Variants in ANK3 observed in about 807,000 individuals in gnomAD.
ANK3 encodes the protein ankyrin-3.
A neutral mutation model predicts 370.9 loss-of-function variants in ANK3; 57 were observed. The ratio of observed to expected loss-of-function variants is 0.15; its 90% CI spans 0.12 to 0.19. The LOEUF (loss-of-function observed/expected upper bound fraction) is 0.19, where lower values mean the gene tolerates loss of function less well. Among genes scored for constraint, ANK3 ranks in the 10% least tolerant of loss-of-function variants. The pLI is 1.00. For synonymous variants in ANK3, 1,929 were observed against 1,946.3 expected (o/e 0.99, Z 0.23); for missense variants, 4,439 against 5,302.1 (o/e 0.84, Z 5.06).
intron 2 of ANK3, among the ~76,000 whole-genome samples, chr10:60,586,939 C>A (rs930644502): frequency 2.6e-5 from 4 of 152,094 alleles, no homozygotes; most frequent in Non-Finnish European, 4.4e-5. Context: ...AGACTGTCTG[C>A]CAATATATTA....
chr10:60,308,466 G>C (rs1566460537), intron 1 of ANK3, among the ~76,000 whole-genome samples: 1 of 151,996 alleles, frequency 6.6e-6, no homozygotes, highest in Non-Finnish European at 1.5e-5. Context: ...AGTAGAGATG[G>C]GGTTTCACCA....
At chr10:60,405,721 G>A (rs145741653) in intron 2 of ANK3, among the ~76,000 whole-genome samples, 8 of 152,256 alleles carry the variant, frequency 5.3e-5, no homozygotes, top group Non-Finnish European at 1.0e-4. Context: ...GAATTTTACT[G>A]ACATCTATGT....
intron 2 of ANK3, among the ~76,000 whole-genome samples, chr10:60,545,848 T>A (rs2076951630): frequency 6.6e-6 from 1 of 152,204 alleles, no homozygotes; most frequent in Non-Finnish European, 1.5e-5. Context: ...ATGCTAAGCC[T>A]GTGCTATCAA....
intron 1 of ANK3, among the ~76,000 whole-genome samples, chr10:60,712,092 T>C (rs1453415715): frequency 1.3e-5 from 2 of 152,194 alleles, no homozygotes; most frequent in Non-Finnish European, 2.9e-5. Flanking sequence ...ATGCCTGTAG[T>C]TCCAGCTATT....
intron 2 of ANK3, among the ~76,000 whole-genome samples, chr10:60,448,658 A>G (rs528388671): frequency 3.0e-4 from 45 of 152,328 alleles, no homozygotes; most frequent in Non-Finnish European, 5.6e-4. Flanking sequence ...GCGACTCCCC[A>G]GTCAACTCCA....
chr10:60,599,950 C>G (rs959199656), intron 2 of ANK3, among the ~76,000 whole-genome samples: 2 of 152,096 alleles, frequency 1.3e-5, no homozygotes, highest in African/African-American at 4.8e-5. Context: ...GCACAGCAAC[C>G]ATTTTATTAA....
intron 2 of ANK3, among the ~76,000 whole-genome samples, chr10:60,418,072 C>T (rs1309214875): frequency 6.6e-6 from 1 of 152,128 alleles, no homozygotes; most frequent in Non-Finnish European, 1.5e-5. Flanking sequence ...TGTTCCTTCT[C>T]CTTCAGTTGT....
intron 2 of ANK3, among the ~76,000 whole-genome samples, chr10:60,405,541 A>C (rs1168507215): frequency 6.6e-6 from 1 of 152,110 alleles, no homozygotes. Flanking sequence ...GGGTGATAGT[A>C]ATGTTTTGTG....
chr10:60,729,896 T>C (rs2079995714), intron 1 of ANK3, among the ~76,000 whole-genome samples: 1 of 152,200 alleles, frequency 6.6e-6, no homozygotes, highest in Non-Finnish European at 1.5e-5. Context: ...AAATTACTTC[T>C]ATTTTGGTAC....
intron 2 of ANK3, among the ~76,000 whole-genome samples, chr10:60,613,830 T>C (rs1348977636): frequency 2.6e-5 from 4 of 152,128 alleles, no homozygotes; most frequent in South Asian, 4.1e-4. Flanking sequence ...TCCCAGCACT[T>C]TGGGAGGTCG....
In ANK3 at chr10:60,412,948, A is replaced by G. The variant is rs146083248; in HGVS notation, c.97-133309T>C. 2.5e-3 allele frequency among the ~76,000 whole-genome samples: 377 copies of G among 152,324 alleles called. 1 individual carries two copies. The highest frequency in any genetic ancestry group is 8.5e-3 in the African/African-American group (352 of 41,578). On this transcript the variant is annotated intron_variant, in intron 2 of 43. Transcript: ENST00000373827. ...CTATCTGGTACATAATAAGGTCTCAATAAATACTTGAAAGAGTTGATGAAT... is the reference window on the plus strand; with the variant it reads ...CTATCTGGTACATAATAAGGTCTCAGTAAATACTTGAAAGAGTTGATGAAT...
chr10:60,084,771 T>A lies in ANK3; in HGVS notation c.3905A>T (p.Tyr1302Phe). 1 of 1,603,150 alleles carries A rather than the reference T, an allele frequency of 6.2e-7. No individual in the cohort carries two copies. The highest frequency in any genetic ancestry group is 8.5e-7 in the Non-Finnish European group (1 of 1,175,712). The change falls in exon 32 of 44, where the codon TAC becomes TTC. Residue 1302 changes from tyrosine (Y) to phenylalanine (F), a missense_variant. Around this residue, in one of 13 missense-constraint regions of ANK3, gnomAD observed 702 missense variants for 941.5 expected, o/e 0.75. Transcript: ENST00000280772. ...ATATGGAACACATATCAATTCTCTG[T>A]ACAGTTGCGTGGCTAACCCCACAGT... is the stretch of plus-strand genomic sequence containing the variant. Reference protein sequence around the residue: ...LETVGLATQLYRELICVPYMA... With the variant: ...LETVGLATQLFRELICVPYMA...
At chr10:60,038,107 C>T (rs550623689) in intron 43 of ANK3, among the ~76,000 whole-genome samples, 2 of 152,276 alleles carry the variant, frequency 1.3e-5, no homozygotes, top group African/African-American at 4.8e-5. Flanking sequence ...TGAAAAGTGT[C>T]TGTGCGTGGC....
intron 7 of ANK3, among the ~76,000 whole-genome samples, chr10:60,253,477 T>C (rs1166142813): frequency 1.3e-5 from 2 of 152,186 alleles, no homozygotes; most frequent in Non-Finnish European, 1.5e-5. Flanking sequence ...CAGATAAAAA[T>C]ACTCCTTTAA....
chr10:60,173,326 A>T, intron 18 of ANK3, 140 bp from the exon 19 acceptor site: 1 of 632,442 alleles, frequency 1.6e-6, no homozygotes, highest in East Asian at 2.9e-5. Context: ...ATATTAAAAA[A>T]ATTGCCCTTG....
rs556782173 is a variant in ANK3 at position 60,042,720 on chromosome 10, G to A, written c.13105C>T (p.Arg4369Trp). ...GAGTGGCTCTTCTTTTCCACATGCC[G>A]GATTTCTTTCTTCGTTTTCACCTTA... is the stretch of plus-strand genomic sequence containing the variant. ...GFKVKTKKEI[R>W]HVEKKSHS The change falls in exon 43 of 44, where the codon CGG (arginine) becomes TGG (tryptophan). Residue 4369 changes from arginine to tryptophan, a missense_variant. Physicochemically the swap from Arg to Trp is moderately radical, Grantham distance 101. This residue lies in a region of ANK3 where 242 missense variants were observed against 228.0 expected (regional missense o/e 1.06). Coordinates refer to ENST00000280772, the MANE Select transcript of ANK3 (RefSeq NM_020987.5). 52 of 1,613,814 alleles carry A rather than the reference G, an allele frequency of 3.2e-5. No homozygotes were observed. The highest frequency in any genetic ancestry group is 3.9e-5 in the Non-Finnish European group (46 of 1,179,934).
intron 36 of ANK3, among the ~76,000 whole-genome samples, chr10:60,078,265 C>A (rs1169164198): frequency 6.6e-6 from 1 of 152,170 alleles, no homozygotes; most frequent in Non-Finnish European, 1.5e-5. Flanking sequence ...TCAAACATTC[C>A]AAACATATCC....
chr10:60,726,117 T>TTTA (rs2079936945), intron 1 of ANK3, among the ~76,000 whole-genome samples: 1 of 152,178 alleles, frequency 6.6e-6, no homozygotes, highest in Admixed American at 6.5e-5. Flanking sequence ...ACAGCTCCTA[T>TTTA]TTATTGATCA....
At chr10:60,409,788 T>C (rs2063523302) in intron 2 of ANK3, among the ~76,000 whole-genome samples, 1 of 152,202 alleles carries the variant, frequency 6.6e-6, no homozygotes, top group Non-Finnish European at 1.5e-5. Flanking sequence ...ACTCTCTGTT[T>C]GATGTCTTCC....
Sources: allele counts gnomAD v4.1 joint callset (sites outside exome capture counted in the v4.1 genomes callset), GRCh38; gene constraint gnomAD v4.1.1; regional missense constraint gnomAD v4.1.1; transcripts MANE v1.5; gene names NCBI Gene and HGNC (gene_info 2026-07-23, HGNC 2026-07-21).